The following RBFOX1 variants were observed in gnomAD, a reference collection of about 807,000 sequenced individuals.
RBFOX1 encodes RNA binding protein fox-1 homolog 1.
Under a neutral mutation model 57.7 loss-of-function variants are expected in RBFOX1, and 8 were observed. The observed-to-expected ratio is 0.14, with a 90% CI of 0.08 to 0.25. The LOEUF is 0.25. Ranked by LOEUF, RBFOX1 falls within the 10% of genes least tolerant of loss-of-function variation. RBFOX1 has a pLI of 1.00. For synonymous variants in RBFOX1, 326 were observed against 222.4 expected (o/e 1.47, Z -4.15); for missense variants, 611 against 548.5 (o/e 1.11, Z -1.14).
At chr16:5,499,936 C>G (rs747334657) in intron 2 of RBFOX1, among the ~76,000 whole-genome samples, 1 of 152,196 alleles carries the variant, frequency 6.6e-6, no homozygotes, top group Non-Finnish European at 1.5e-5. Context: ...TTCAATTTTT[C>G]ATTCAGCAGA....
chr16:6,866,541 A>AATTTTTTTTTTTT lies in RBFOX1; in HGVS notation c.-15-185516_-15-185515insATTTTTTTTTTTT, dbSNP rs761820657. Among the ~76,000 whole-genome samples the AATTTTTTTTTTTT allele has an allele frequency of 7.0e-4, 55 of 78,876 alleles. 1 individual carries two copies. Among genetic ancestry groups the AATTTTTTTTTTTT allele is most frequent in the African/African-American group, 2.6e-3 (47 of 17,830 alleles). 51.7% of individuals were successfully genotyped at this position (78,876 alleles called of 152,430 possible). On this transcript the variant is annotated intron_variant, in intron 3 of 15. Transcript: ENST00000550418. ...TAAGGTTAGGGCTTTCTTTCCTTCT[A>AATTTTTTTTTTTT]TTTTTTTTTTTTTTTTTTGAGTTGG...
intron 3 of RBFOX1, among the ~76,000 whole-genome samples, chr16:6,973,545 G>T (rs548532854): frequency 6.6e-6 from 1 of 152,262 alleles, no homozygotes; most frequent in East Asian, 1.9e-4. Flanking sequence ...TTCAGCTTCT[G>T]TTTGGAGAGT....
intron 3 of RBFOX1, among the ~76,000 whole-genome samples, chr16:6,844,638 A>T (rs1270141368): frequency 1.3e-5 from 2 of 152,062 alleles, no homozygotes; most frequent in African/African-American, 4.8e-5. Context: ...ATAGTGCTGC[A>T]ATTAACTTAC....
At chr16:5,475,795 TTTTTTA>T (rs1220925848) in intron 2 of RBFOX1, among the ~76,000 whole-genome samples, 1 of 152,080 alleles carries the variant, frequency 6.6e-6, no homozygotes, top group Admixed American at 6.6e-5. Flanking sequence ...CTGGCTCTAG[TTTTTTA>T]TTTTTATTTT....
intron 2 of RBFOX1, among the ~76,000 whole-genome samples, chr16:6,544,826 A>C (rs1334052617): frequency 6.6e-6 from 1 of 152,190 alleles, no homozygotes; most frequent in African/African-American, 2.4e-5. Flanking sequence ...AAGGGTACCC[A>C]CGACCAGTGA....
intron 3 of RBFOX1, among the ~76,000 whole-genome samples, chr16:5,632,886 G>T (rs761213629): frequency 6.6e-6 from 1 of 151,784 alleles, no homozygotes; most frequent in African/African-American, 2.4e-5. Context: ...AGAAAACTGG[G>T]CTGGGAACAC....
At chr16:7,559,733 G>A (rs1309808971) in intron 5 of RBFOX1, among the ~76,000 whole-genome samples, 1 of 152,158 alleles carries the variant, frequency 6.6e-6, no homozygotes, top group South Asian at 2.1e-4. Flanking sequence ...GAACTTTGCG[G>A]GCCTTTCGCT....
At chr16:5,883,673 C>T (rs114436753) in intron 4 of RBFOX1, among the ~76,000 whole-genome samples, 4,234 of 152,164 alleles carry the variant, frequency 0.028, 180 homozygotes, top group African/African-American at 0.096. Flanking sequence ...CTTCAGCTAA[C>T]GACTCTTTCT....
intron 3 of RBFOX1, among the ~76,000 whole-genome samples, chr16:5,742,247 CCTTCCTCCCTTCCTTCTTTCCTTT>C (rs1567476924): frequency 7.1e-6 from 1 of 141,088 alleles, no homozygotes; most frequent in African/African-American, 2.7e-5. Context: ...TCCCTTCCTT[CCTTCCTCCCTTCCTTCTTTCCTTT>C]CTTCCTCCCT....
intron 3 of RBFOX1, among the ~76,000 whole-genome samples, chr16:5,617,546 G>A (rs2048072473): frequency 6.6e-6 from 1 of 152,168 alleles, no homozygotes. Context: ...GTCCAGAAAT[G>A]CTAGCACAGC....
rs147442088 is a variant in RBFOX1, at chr16:6,623,652, T to C, written c.-63-30951T>C. Among the ~76,000 whole-genome samples, 198 of 151,988 alleles carry C rather than the reference T, an allele frequency of 1.3e-3. 1 individual carries two copies. The Middle Eastern group carries it at 0.017, about 13-fold the overall frequency. On this transcript the variant is annotated intron_variant, in intron 2 of 15. Coordinates refer to ENST00000550418, the MANE Select transcript of RBFOX1 (RefSeq NM_018723.4). Reference sequence around the variant, plus strand: ...ATGTTCCCCTTCCTGTGTCCATGTGTTCTCATCGTTCAGTTCTCACCTATG... The same window carrying C: ...ATGTTCCCCTTCCTGTGTCCATGTGCTCTCATCGTTCAGTTCTCACCTATG...
At chr16:7,365,201 C>T (rs1234041093) in intron 4 of RBFOX1, among the ~76,000 whole-genome samples, 2 of 152,150 alleles carry the variant, frequency 1.3e-5, no homozygotes, top group African/African-American at 4.8e-5. Flanking sequence ...TAACCATAAA[C>T]ATCTTTGTGA....
At chr16:5,274,123 G>A (rs1349078066) in intron 1 of RBFOX1, among the ~76,000 whole-genome samples, 1 of 152,210 alleles carries the variant, frequency 6.6e-6, no homozygotes, top group Admixed American at 6.5e-5. Flanking sequence ...GCAGACAGAA[G>A]CTCCATATAG....
intron 3 of RBFOX1, among the ~76,000 whole-genome samples, chr16:5,842,306 C>T (rs573957421): frequency 2.0e-5 from 3 of 151,968 alleles, no homozygotes; most frequent in South Asian, 4.2e-4. Flanking sequence ...CATTGTTGTT[C>T]CCTCCTAAGC....
chr16:6,217,174 C>CTTTTTTTTTTTT (rs71142697), intron 1 of RBFOX1, among the ~76,000 whole-genome samples: 10 of 119,050 alleles, frequency 8.4e-5, no homozygotes, highest in East Asian at 5.0e-4. Flanking sequence ...TTAGGGGATT[C>CTTTTTTTTTTTT]TTTTTTTTTT....
chr16:5,643,566 A>G (rs2048950267), intron 3 of RBFOX1, among the ~76,000 whole-genome samples: 1 of 152,180 alleles, frequency 6.6e-6, no homozygotes, highest in Non-Finnish European at 1.5e-5. Context: ...TGAATGCTTC[A>G]TGATTTTTTA....
chr16:7,565,048 A>C (rs1007486663), intron 5 of RBFOX1, among the ~76,000 whole-genome samples: 1 of 152,218 alleles, frequency 6.6e-6, no homozygotes, highest in African/African-American at 2.4e-5. Context: ...GACGGAGCTC[A>C]AATGAAAAAG....
At chr16:7,377,292 G>C (rs973337840) in intron 4 of RBFOX1, among the ~76,000 whole-genome samples, 1 of 152,182 alleles carries the variant, frequency 6.6e-6, no homozygotes. Flanking sequence ...CTGGGACACA[G>C]GTGGTCCGTA....
chr16:6,331,170 G>C (rs1288147264), intron 2 of RBFOX1, among the ~76,000 whole-genome samples: 5 of 152,322 alleles, frequency 3.3e-5, no homozygotes, highest in South Asian at 2.1e-4. Flanking sequence ...ATAGTCTGGG[G>C]CCGGGCCCAG....
Sources: gnomAD v4.1 joint callset for allele counts (sites outside exome capture counted in the v4.1 genomes callset) on GRCh38, gnomAD v4.1.1 for gene constraint, MANE v1.5 for transcripts, NCBI Gene and HGNC (gene_info 2026-07-23, HGNC 2026-07-21) for gene names.